Variants in ZDHHC14 observed in about 807,000 individuals in gnomAD.
The protein encoded by ZDHHC14 is palmitoyltransferase ZDHHC14.
In ZDHHC14, 16 loss-of-function variants were observed where a neutral mutation model predicts 47.7. That is an observed-to-expected ratio of 0.34 (90% confidence interval 0.23 to 0.51). ZDHHC14 has a LOEUF of 0.51. Ranked by LOEUF, ZDHHC14 falls within the 20% of genes least tolerant of loss-of-function variation. ZDHHC14 has a pLI of 0.97. For synonymous variants in ZDHHC14, 293 were observed against 278.9 expected, an observed-to-expected ratio of 1.05 and a Z score of -0.50; for missense variants, 515 against 662.5, an observed-to-expected ratio of 0.78 and a Z score of 2.44.
rs1160655364 is a variant in ZDHHC14, at chr6:157,383,893, C to A, written c.245+1627C>A. 2.0e-5 allele frequency among the ~76,000 whole-genome samples: 3 copies of A among 152,166 alleles called. No individual in the cohort carries two copies. The East Asian group carries it at 5.8e-4, about 29-fold the overall frequency. On this transcript the variant is annotated intron_variant, in intron 1 of 8. Transcript: ENST00000359775. ...CCCATGGGCCCCCATTGAGAGCAGC[C>A]TCTTGTCCTTACAGACCTTGGAAAC...
At chr6:157,492,190 T>TCCCCCCCCCCCCCA (rs1158780089) in intron 1 of ZDHHC14, among the ~76,000 whole-genome samples, 1 of 118,832 alleles carries the variant, frequency 8.4e-6, no homozygotes, top group Non-Finnish European at 1.7e-5. Context: ...ACCCTCAACA[T>TCCCCCCCCCCCCCA]CCCCCCTCCG....
At chr6:157,540,055 C>CCA (rs1212109842) in intron 1 of ZDHHC14, among the ~76,000 whole-genome samples, 1 of 152,168 alleles carries the variant, frequency 6.6e-6, no homozygotes, top group East Asian at 1.9e-4. Context: ...GTGCAACAGC[C>CCA]CACTACGCAG....
chr6:157,588,045 A>C (rs1783760999), intron 2 of ZDHHC14, among the ~76,000 whole-genome samples: 1 of 152,300 alleles, frequency 6.6e-6, no homozygotes, highest in South Asian at 2.1e-4. Flanking sequence ...ACCTGAGGTC[A>C]GGAGTTTGAG....
intron 1 of ZDHHC14, among the ~76,000 whole-genome samples, chr6:157,481,068 C>T (rs1170689298): frequency 6.6e-6 from 1 of 152,176 alleles, no homozygotes; most frequent in African/African-American, 2.4e-5. Context: ...CCATTATTTT[C>T]TATTTTAGCC....
chr6:157,413,150 A>G (rs977012305), intron 1 of ZDHHC14, among the ~76,000 whole-genome samples: 2 of 152,324 alleles, frequency 1.3e-5, no homozygotes, highest in Admixed American at 6.5e-5. Context: ...AGTGCCTGGC[A>G]TACAGTAGAC....
chr6:157,570,506 C>T (rs1034540806), intron 2 of ZDHHC14, among the ~76,000 whole-genome samples: 1 of 152,164 alleles, frequency 6.6e-6, no homozygotes, highest in Admixed American at 6.5e-5. Context: ...ACTCAGAGAA[C>T]TTTGACACAA....
chr6:157,641,481 A>G (rs1013506473), intron 5 of ZDHHC14, among the ~76,000 whole-genome samples: 1 of 152,020 alleles, frequency 6.6e-6, no homozygotes, highest in African/African-American at 2.4e-5. Context: ...CTTTATGTTC[A>G]TGGGCCTTAT....
intron 2 of ZDHHC14, chr6:157,592,653 A>G (rs1783955534): frequency 3.8e-6 from 3 of 799,596 alleles, no homozygotes; most frequent in Non-Finnish European, 4.8e-6. Flanking sequence ...GTCTCCCAAG[A>G]TGGCCTGGGG....
chr6:157,402,955 G>A (rs1233696712), intron 1 of ZDHHC14, among the ~76,000 whole-genome samples: 2 of 152,140 alleles, frequency 1.3e-5, no homozygotes, highest in Admixed American at 6.5e-5. Flanking sequence ...GGCTGGTCTC[G>A]AACTGGCCAC....
intron 2 of ZDHHC14, among the ~76,000 whole-genome samples, chr6:157,578,282 A>G (rs1783382852): frequency 6.6e-6 from 1 of 152,204 alleles, no homozygotes; most frequent in African/African-American, 2.4e-5. Context: ...TATGTCCAGA[A>G]TGACATTTCC....
At chr6:157,429,867 C>T (rs1308990399) in intron 1 of ZDHHC14, among the ~76,000 whole-genome samples, 2 of 152,030 alleles carry the variant, frequency 1.3e-5, no homozygotes, top group Non-Finnish European at 2.9e-5. Flanking sequence ...GTAACCAGCT[C>T]CAAACCAGCA....
chr6:157,466,093 C>T (rs1490051634), intron 1 of ZDHHC14, among the ~76,000 whole-genome samples: 2 of 152,116 alleles, frequency 1.3e-5, no homozygotes, highest in Non-Finnish European at 2.9e-5. Flanking sequence ...ATCTCGCAGG[C>T]GGGCCCCACA....
rs1780221048 is a variant in ZDHHC14, at chr6:157,502,834, G to C, written c.246-39751G>C. On this transcript the variant is annotated intron_variant, in intron 1 of 8. Coordinates refer to ENST00000359775, the MANE Select transcript of ZDHHC14 (RefSeq NM_024630.3). This position sits in a 1 kb window ranked among gnomAD's most constrained non-coding sequence, Gnocchi z 4.0. ...GCCTCTCAAGTAGCTGGGATTACAGGTGCCCATCACCATGCCCAGCTAATT... is the reference window on the plus strand; with the variant it reads ...GCCTCTCAAGTAGCTGGGATTACAGCTGCCCATCACCATGCCCAGCTAATT... Among the ~76,000 whole-genome samples the C allele has an allele frequency of 6.6e-6, 1 of 152,098 alleles. No homozygotes were observed. The highest frequency in any genetic ancestry group is 2.1e-4 in the South Asian group (1 of 4,830).
intron 2 of ZDHHC14, among the ~76,000 whole-genome samples, chr6:157,561,535 A>G (rs1361433210): frequency 6.6e-6 from 1 of 152,242 alleles, no homozygotes; most frequent in Non-Finnish European, 1.5e-5. Flanking sequence ...CCCGGCGCTC[A>G]GATACACATG....
At chr6:157,485,159 T>C (rs17165365) in intron 1 of ZDHHC14, among the ~76,000 whole-genome samples, 27,075 of 152,184 alleles carry the variant, frequency 0.18, 2,891 homozygotes, top group African/African-American at 0.29. Context: ...TTATAGACTC[T>C]TGGACCTAGA....
Position 157,675,665 on chromosome 6 carries a change from T to A in ZDHHC14, c.*2543T>A, listed in dbSNP as rs1353868254. On this transcript the variant is annotated 3_prime_UTR_variant, in exon 9 of 9. Coordinates refer to ENST00000359775, the MANE Select transcript of ZDHHC14 (RefSeq NM_024630.3). ...TGCCCCCTGGGGCGCCCACTTCTGT[T>A]TGTCAGGAGGGATGGTCGGAGGGGC... 1 of 152,214 alleles carries A rather than the reference T, an allele frequency of 6.6e-6. No homozygotes were observed. Among genetic ancestry groups the A allele is most frequent in the Non-Finnish European group, 1.5e-5 (1 of 68,032 alleles). The allele number at this position is 152,214 out of a possible 1,614,324, so 9.4% of individuals were successfully genotyped here.
intron 2 of ZDHHC14, among the ~76,000 whole-genome samples, chr6:157,568,484 T>G (rs1190078255): frequency 6.6e-6 from 1 of 152,202 alleles, no homozygotes; most frequent in Non-Finnish European, 1.5e-5. Flanking sequence ...TCACAGGAAT[T>G]CCATTTTTAA....
intron 1 of ZDHHC14, among the ~76,000 whole-genome samples, chr6:157,386,517 C>T (rs773192803): frequency 4.6e-5 from 7 of 152,118 alleles, no homozygotes; most frequent in African/African-American, 9.7e-5. Flanking sequence ...TTTGAAGCCA[C>T]CATCCCAGAA....
chr6:157,545,062 C>T (rs1781918679), intron 2 of ZDHHC14, among the ~76,000 whole-genome samples: 1 of 152,154 alleles, frequency 6.6e-6, no homozygotes, highest in South Asian at 2.1e-4. Flanking sequence ...ACAACATGGA[C>T]ATTAAAGACA....
Sources: allele counts gnomAD v4.1 joint callset (sites outside exome capture counted in the v4.1 genomes callset), GRCh38; gene constraint gnomAD v4.1.1; non-coding constraint Gnocchi (gnomAD v3.1); transcripts MANE v1.5; gene names NCBI Gene and HGNC (gene_info 2026-07-23, HGNC 2026-07-21).